Variants in PTPN3 observed in about 807,000 individuals in gnomAD.
PTPN3 encodes the protein tyrosine-protein phosphatase non-receptor type 3.
Under a neutral mutation model 132.7 loss-of-function variants are expected in PTPN3, and 96 were observed. The observed-to-expected ratio is 0.72, with a 90% CI of 0.61 to 0.86. The LOEUF is 0.86. PTPN3 is among the 40% of genes least tolerant of loss of function. The pLI is 0.00. For synonymous variants in PTPN3, 398 were observed against 429.0 expected (o/e 0.93, Z 0.89); for missense variants, 1,125 against 1,159.6 (o/e 0.97, Z 0.43).
At chr9:109,516,419 T>C in the PTPN3 span, among the ~76,000 whole-genome samples, 1 of 152,138 alleles carries the variant, frequency 6.6e-6, no homozygotes, top group African/African-American at 2.4e-5. Flanking sequence ...ATACTTGAAA[T>C]GGGTTTGACA....
At chr9:109,385,078 A>T (rs1417602280) in intron 22 of PTPN3, among the ~76,000 whole-genome samples, 2 of 152,210 alleles carry the variant, frequency 1.3e-5, no homozygotes, top group Non-Finnish European at 2.9e-5. Flanking sequence ...ATATTCTCTG[A>T]TGAGATCAAC....
chr9:109,384,106 C>T (rs745692956), intron 22 of PTPN3, among the ~76,000 whole-genome samples: 13 of 152,094 alleles, frequency 8.5e-5, no homozygotes, highest in Admixed American at 2.6e-4. Flanking sequence ...TGTTTTCCAC[C>T]GGGAAGATGG....
chr9:109,407,815 T>C (rs1564402383), intron 17 of PTPN3, among the ~76,000 whole-genome samples: 11 of 152,156 alleles, frequency 7.2e-5, no homozygotes. Context: ...CCCAAAGTGC[T>C]GGGATTACAG....
the PTPN3 span, among the ~76,000 whole-genome samples, chr9:109,512,020 T>C: frequency 6.6e-6 from 1 of 152,194 alleles, no homozygotes; most frequent in Non-Finnish European, 1.5e-5. Context: ...TGCCCACCTC[T>C]GGAGATTTCT....
At chr9:109,494,140 G>C (rs1031185250) in intron 1 of PTPN3, among the ~76,000 whole-genome samples, 14 of 152,198 alleles carry the variant, frequency 9.2e-5, no homozygotes, top group Admixed American at 2.0e-4. Context: ...AAGCAGACCC[G>C]AACCAGAGCA....
intron 1 of PTPN3, among the ~76,000 whole-genome samples, chr9:109,472,838 T>C (rs1158783914): frequency 6.6e-6 from 1 of 152,246 alleles, no homozygotes; most frequent in Non-Finnish European, 1.5e-5. Context: ...CTTGCTAAAC[T>C]AGAAAAACAA....
the PTPN3 span, among the ~76,000 whole-genome samples, chr9:109,510,576 A>AAATATAT: frequency 3.8e-4 from 18 of 47,320 alleles, no homozygotes; most frequent in Non-Finnish European, 6.2e-4. Context: ...AAAAAAAAAA[A>AAATATAT]ATATATATAT....
At chr9:109,451,773 G>A (rs912406758) in intron 5 of PTPN3, among the ~76,000 whole-genome samples, 5 of 152,208 alleles carry the variant, frequency 3.3e-5, no homozygotes, top group Non-Finnish European at 4.4e-5. Flanking sequence ...TGCACTGGCC[G>A]TAGGAAACCT....
intron 10 of PTPN3, among the ~76,000 whole-genome samples, chr9:109,430,780 C>T (rs757794654): frequency 6.3e-4 from 96 of 152,224 alleles, no homozygotes; most frequent in Non-Finnish European, 1.1e-3. Flanking sequence ...TCCTATGGCC[C>T]GTGAAGCCCT....
chr9:109,431,403 G>A (rs375687616), intron 10 of PTPN3, among the ~76,000 whole-genome samples: 7 of 152,322 alleles, frequency 4.6e-5, no homozygotes, highest in Non-Finnish European at 7.4e-5. Flanking sequence ...GGAAGCCCCC[G>A]GCATCTGGAG....
intron 2 of PTPN3, among the ~76,000 whole-genome samples, chr9:109,458,416 C>A (rs1039075589): frequency 8.5e-5 from 13 of 152,202 alleles, no homozygotes; most frequent in Admixed American, 4.6e-4. Context: ...TTGCAGGAAT[C>A]CTTTGAACCA....
intron 1 of PTPN3, among the ~76,000 whole-genome samples, chr9:109,486,355 T>C (rs899780258): frequency 6.6e-6 from 1 of 152,106 alleles, no homozygotes; most frequent in Non-Finnish European, 1.5e-5. Context: ...CTGGTAGCTA[T>C]GTGAAGGAGG....
intron 24 of PTPN3, 80 bp from the exon 25 acceptor site, chr9:109,381,867 C>T (rs1250066504): frequency 4.4e-5 from 68 of 1,538,092 alleles, no homozygotes; most frequent in Non-Finnish European, 5.9e-5. Flanking sequence ...TCCCCGCTGA[C>T]TCCAAAGGGG....
chr9:109,384,302 T>G (rs1839377514), intron 22 of PTPN3, among the ~76,000 whole-genome samples: 2 of 152,172 alleles, frequency 1.3e-5, no homozygotes, highest in Admixed American at 1.3e-4. Context: ...GATGAATACC[T>G]TTCTCACTGG....
intron 10 of PTPN3, chr9:109,428,928 A>T (rs1843471873): frequency 1.0e-6 from 1 of 985,276 alleles, no homozygotes; most frequent in African/African-American, 1.7e-5. Flanking sequence ...AAATAACAAG[A>T]AACATAGGCC....
intron 4 of PTPN3, 56 bp from the exon 5 acceptor site, chr9:109,454,630 T>A: frequency 7.2e-7 from 1 of 1,395,462 alleles, no homozygotes; most frequent in Non-Finnish European, 1.0e-6. Context: ...TCAATGTATG[T>A]AAGTTGCTTC....
chr9:109,483,064 C>T lies in PTPN3; in HGVS notation c.-18+15155G>A, dbSNP rs552688481. On this transcript the variant is annotated intron_variant, in intron 1 of 25. Coordinates refer to ENST00000374541, the MANE Select transcript of PTPN3 (RefSeq NM_002829.4). ...GCATAAATCTGGGCACCTGTCCTTT[C>T]CTGAAGGCAGCAGAAGAAAAGTAGG... 3.9e-5 allele frequency among the ~76,000 whole-genome samples: 6 copies of T among 152,314 alleles called. No homozygotes were observed. In the South Asian group the frequency reaches 1.2e-3, roughly 32 times the overall value.
chr9:109,493,253 C>A (rs906255061), intron 1 of PTPN3, among the ~76,000 whole-genome samples: 2 of 150,274 alleles, frequency 1.3e-5, no homozygotes, highest in African/African-American at 5.0e-5. Context: ...AAAAAACAAA[C>A]AAACAAACAA....
chr9:109,428,012 A>T (rs1843399340), intron 11 of PTPN3, among the ~76,000 whole-genome samples: 1 of 152,218 alleles, frequency 6.6e-6, no homozygotes, highest in African/African-American at 2.4e-5. Flanking sequence ...TGGAGTTATC[A>T]CAGTGCTATG....
Sources: allele counts gnomAD v4.1 joint callset (sites outside exome capture counted in the v4.1 genomes callset), GRCh38; gene constraint gnomAD v4.1.1; transcripts MANE v1.5; gene names NCBI Gene and HGNC (gene_info 2026-07-23, HGNC 2026-07-21).